SORCS2: variants seen among roughly 807,000 people sequenced by gnomAD.
SORCS2 encodes sortilin related VPS10 domain containing receptor 2, also known as VPS10 domain-containing receptor SorCS2.
A neutral mutation model predicts 141.6 loss-of-function variants in SORCS2; 100 were observed. That is an observed-to-expected ratio of 0.71 (90% confidence interval 0.60 to 0.83). The LOEUF (loss-of-function observed/expected upper bound fraction) is 0.83, where lower values mean the gene tolerates loss of function less well. Among genes scored for constraint, SORCS2 ranks in the 40% least tolerant of loss-of-function variants. The pLI is 0.00. For missense variants in SORCS2, 1,646 were observed against 1,560.2 expected, an observed-to-expected ratio of 1.05 and a Z score of -0.93; for synonymous variants, 789 against 676.9, an observed-to-expected ratio of 1.17 and a Z score of -2.57.
chr4:7,444,182 T>A (rs973587494), intron 2 of SORCS2, among the ~76,000 whole-genome samples: 2 of 152,268 alleles, frequency 1.3e-5, no homozygotes, highest in East Asian at 1.9e-4. Flanking sequence ...AAGAGCCTAC[T>A]ATGTGCTGAG....
At chr4:7,318,146 T>A (rs1029716296) in intron 1 of SORCS2, among the ~76,000 whole-genome samples, 1 of 152,204 alleles carries the variant, frequency 6.6e-6, no homozygotes, top group Non-Finnish European at 1.5e-5. Flanking sequence ...CCATTTTGCA[T>A]ATATACTTGG....
intron 1 of SORCS2, among the ~76,000 whole-genome samples, chr4:7,292,224 G>A (rs959407434): frequency 6.6e-5 from 10 of 151,200 alleles, no homozygotes; most frequent in Non-Finnish European, 1.3e-4. Context: ...CCCACCATTC[G>A]CAGTCCGTTC....
rs1376215727 is a variant in SORCS2 at position 7,201,161 on chromosome 4, G to A, written c.480+8035G>A. ...AGGTGAAGATGGAGCTGCTCTGCAG[G>A]ATGAGTAGAGTCCCGGGCTGAGGAG... On this transcript the variant is annotated intron_variant, in intron 1 of 26. Transcript: ENST00000507866. The surrounding 1 kb of genome is among the most constrained non-coding windows in gnomAD (Gnocchi z 4.4). Among the ~76,000 whole-genome samples, 1 of 152,208 alleles carries A rather than the reference G, an allele frequency of 6.6e-6. No individual in the cohort carries two copies. The highest frequency in any genetic ancestry group is 2.4e-5 in the African/African-American group (1 of 41,460).
intron 2 of SORCS2, among the ~76,000 whole-genome samples, chr4:7,412,643 A>G (rs1725394009): frequency 2.0e-5 from 3 of 152,010 alleles, no homozygotes; most frequent in Non-Finnish European, 2.9e-5. Flanking sequence ...CCAGCTCTAG[A>G]GGATTCTCCC....
chr4:7,433,805 C>G, intron 2 of SORCS2: 1 of 1,613,732 alleles, frequency 6.2e-7, no homozygotes, highest in Non-Finnish European at 8.5e-7. Flanking sequence ...AACTTGCACA[C>G]CTTCTCTGGG....
At chr4:7,540,288 C>T (rs1039682412) in intron 3 of SORCS2, among the ~76,000 whole-genome samples, 2 of 150,994 alleles carry the variant, frequency 1.3e-5, no homozygotes, top group Admixed American at 6.6e-5. Context: ...GGTTTTCCTT[C>T]CTCTCCTTCT....
chr4:7,212,894 A>G (rs1024781051), intron 1 of SORCS2, among the ~76,000 whole-genome samples: 4 of 152,286 alleles, frequency 2.6e-5, no homozygotes, highest in Non-Finnish European at 1.5e-5. Context: ...GCTTAGCAGC[A>G]GTCTTGAACC....
chr4:7,238,928 G>T (rs548821875), intron 1 of SORCS2, among the ~76,000 whole-genome samples: 1 of 152,174 alleles, frequency 6.6e-6, no homozygotes, highest in East Asian at 1.9e-4. Flanking sequence ...CTGTGCCCTC[G>T]CTGCAGCCTC....
At chr4:7,237,348 T>A (rs1169140019) in intron 1 of SORCS2, among the ~76,000 whole-genome samples, 3 of 152,204 alleles carry the variant, frequency 2.0e-5, no homozygotes, top group Non-Finnish European at 2.9e-5. Flanking sequence ...CCTTCTGGTC[T>A]GTGTCCGCTG....
intron 1 of SORCS2, among the ~76,000 whole-genome samples, chr4:7,355,187 G>A (rs967179482): frequency 6.6e-6 from 1 of 152,116 alleles, no homozygotes; most frequent in Non-Finnish European, 1.5e-5. Context: ...CTCACGAGCT[G>A]GAGCCCAGGC....
intron 11 of SORCS2, among the ~76,000 whole-genome samples, chr4:7,693,720 T>C (rs1724405283): frequency 6.6e-6 from 1 of 152,242 alleles, no homozygotes; most frequent in Non-Finnish European, 1.5e-5. Context: ...CAGCCTGCCC[T>C]GTGCTGCTGG....
In SORCS2 at chr4:7,262,660, A is replaced by G. The variant is rs548423191; in HGVS notation, c.480+69534A>G. On this transcript the variant is annotated intron_variant, in intron 1 of 26. Transcript: ENST00000507866. ...ACTGGGGCACTTTGGTGAGGGGTTC[A>G]AGGAGGGCCTCTGAGGAGGGGGCTG... Among the ~76,000 whole-genome samples the G allele has an allele frequency of 1.9e-4, 29 of 152,326 alleles. No individual in the cohort carries two copies. In the South Asian group the frequency reaches 4.3e-3, roughly 23 times the overall value.
At chr4:7,390,682 C>T (rs1039160057) in intron 1 of SORCS2, among the ~76,000 whole-genome samples, 2 of 152,174 alleles carry the variant, frequency 1.3e-5, no homozygotes, top group African/African-American at 2.4e-5. Context: ...GTGAACTTCC[C>T]TTGGATGGTG....
intron 9 of SORCS2, among the ~76,000 whole-genome samples, chr4:7,679,849 G>A (rs1305673047): frequency 6.6e-6 from 1 of 151,390 alleles, no homozygotes; most frequent in Non-Finnish European, 1.5e-5. Flanking sequence ...CTGATGCTCA[G>A]CCAATCAGAC....
At chr4:7,580,425 G>A (rs188821110) in intron 3 of SORCS2, among the ~76,000 whole-genome samples, 3 of 152,098 alleles carry the variant, frequency 2.0e-5, no homozygotes, top group East Asian at 3.9e-4. Context: ...GGGAGGCGGC[G>A]GTTGCAAAGA....
intron 1 of SORCS2, among the ~76,000 whole-genome samples, chr4:7,377,670 C>G (rs1306514255): frequency 6.6e-6 from 1 of 152,180 alleles, no homozygotes; most frequent in Non-Finnish European, 1.5e-5. Context: ...CCCAGGATGG[C>G]AGAATGCCCT....
chr4:7,321,442 G>T (rs1433201624), intron 1 of SORCS2, among the ~76,000 whole-genome samples: 2 of 152,174 alleles, frequency 1.3e-5, no homozygotes, highest in African/African-American at 2.4e-5. Context: ...TATAAAACCA[G>T]TGTCCACAAA....
At chr4:7,461,024 G>C (rs1365152622) in intron 2 of SORCS2, among the ~76,000 whole-genome samples, 2 of 152,096 alleles carry the variant, frequency 1.3e-5, no homozygotes, top group African/African-American at 4.8e-5. Context: ...GGGAGTGTCA[G>C]AAATGCCAGG....
intron 3 of SORCS2, among the ~76,000 whole-genome samples, chr4:7,570,916 G>C (rs1469130978): frequency 6.6e-6 from 1 of 152,178 alleles, no homozygotes; most frequent in East Asian, 1.9e-4. Context: ...GAGGGGCCGA[G>C]TCTCCTGGCT....
Sources: allele counts gnomAD v4.1 joint callset (sites outside exome capture counted in the v4.1 genomes callset), GRCh38; gene constraint gnomAD v4.1.1; non-coding constraint Gnocchi (gnomAD v3.1); transcripts MANE v1.5; gene names NCBI Gene and HGNC (gene_info 2026-07-23, HGNC 2026-07-21).